DLGAP2: variants seen among roughly 807,000 people sequenced by gnomAD.
DLGAP2 encodes the protein disks large-associated protein 2.
In DLGAP2, 26 loss-of-function variants were observed where a neutral mutation model predicts 100.3. The ratio of observed to expected loss-of-function variants is 0.26; its 90% CI spans 0.19 to 0.36. The LOEUF is 0.36. DLGAP2 is among the 10% of genes least tolerant of loss of function. The pLI is 1.00. For missense variants in DLGAP2, 1,858 were observed against 1,453.2 expected (o/e 1.28, Z -4.53); for synonymous variants, 886 against 630.1 (o/e 1.41, Z -6.08).
rs117327066 is a variant in DLGAP2, at chr8:1,559,097, G to A, written c.1231-6586G>A. Among the ~76,000 whole-genome samples, 16 of 152,288 alleles carry A rather than the reference G, an allele frequency of 1.1e-4. No homozygotes were observed. In the East Asian group the frequency reaches 1.3e-3, roughly 13 times the overall value. On this transcript the variant is annotated intron_variant, in intron 5 of 14. Transcript: ENST00000637795. ...ATCCCTAAAGCAAGTAACAGGAGAC[G>A]TCAAAATGTATGCTTATGTCACCCT...
At chr8:1,150,949 A>G (rs1236664352) in intron 2 of DLGAP2, among the ~76,000 whole-genome samples, 1 of 152,234 alleles carries the variant, frequency 6.6e-6, no homozygotes, top group East Asian at 1.9e-4. Context: ...TTATTTGGAT[A>G]TAATTATTTC....
intron 3 of DLGAP2, among the ~76,000 whole-genome samples, chr8:1,290,399 G>T (rs374265778): frequency 2.0e-5 from 3 of 152,198 alleles, no homozygotes; most frequent in Non-Finnish European, 4.4e-5. Flanking sequence ...ACATCGGGCT[G>T]TCTGACCAGC....
intron 2 of DLGAP2, among the ~76,000 whole-genome samples, chr8:1,156,204 C>T (rs887044611): frequency 2.0e-5 from 3 of 152,160 alleles, no homozygotes; most frequent in East Asian, 1.9e-4. Flanking sequence ...CTCCCTCTGC[C>T]GCCGGGAGCG....
intron 1 of DLGAP2, among the ~76,000 whole-genome samples, chr8:750,715 C>T (rs1346814107): frequency 6.6e-6 from 1 of 152,244 alleles, no homozygotes; most frequent in Non-Finnish European, 1.5e-5. Context: ...GGTCCATCTA[C>T]CATGCAGCCC....
At chr8:1,093,090 C>T (rs541787452) in intron 2 of DLGAP2, among the ~76,000 whole-genome samples, 1 of 152,206 alleles carries the variant, frequency 6.6e-6, no homozygotes, top group South Asian at 2.1e-4. Context: ...GAGCTCCTTC[C>T]TCCTTGGGGA....
intron 3 of DLGAP2, among the ~76,000 whole-genome samples, chr8:1,318,786 C>CCG (rs1800827247): frequency 7.6e-6 from 1 of 131,874 alleles, no homozygotes; most frequent in African/African-American, 2.9e-5. Context: ...CAGCCCCCCC[C>CCG]CCGCCCCCTC....
chr8:1,672,225 T>C (rs892289703), intron 10 of DLGAP2, among the ~76,000 whole-genome samples: 3 of 131,182 alleles, frequency 2.3e-5, no homozygotes, highest in African/African-American at 1.0e-4. Flanking sequence ...TTTTTTATTT[T>C]TAATTTTTTT....
intron 2 of DLGAP2, among the ~76,000 whole-genome samples, chr8:1,093,722 C>T (rs1804270363): frequency 1.3e-5 from 2 of 152,282 alleles, no homozygotes; most frequent in African/African-American, 2.4e-5. Flanking sequence ...GAAACACCTT[C>T]ACACTGACAG....
chr8:1,467,494 A>T (rs1398018118), intron 3 of DLGAP2, among the ~76,000 whole-genome samples: 5 of 151,504 alleles, frequency 3.3e-5, no homozygotes, highest in African/African-American at 9.7e-5. Context: ...GGACTCCGTG[A>T]CCTCGGCTCC....
chr8:1,637,571 G>T (rs1402278002), intron 8 of DLGAP2, among the ~76,000 whole-genome samples: 1 of 152,034 alleles, frequency 6.6e-6, no homozygotes, highest in Admixed American at 6.6e-5. Context: ...AGTCACACAT[G>T]ATCACTTTCC....
At chr8:844,788 G>A (rs1797043921) in intron 1 of DLGAP2, among the ~76,000 whole-genome samples, 1 of 152,142 alleles carries the variant, frequency 6.6e-6, no homozygotes, top group South Asian at 2.1e-4. Context: ...AATGGCTTTA[G>A]CATCTCCCAA....
intron 2 of DLGAP2, among the ~76,000 whole-genome samples, chr8:1,163,613 C>G (rs1796934434): frequency 6.6e-6 from 1 of 152,214 alleles, no homozygotes; most frequent in Admixed American, 6.5e-5. Flanking sequence ...TAACTGACCC[C>G]GGAAGCGCAG....
At chr8:1,617,987 G>A (rs934000268) in intron 6 of DLGAP2, among the ~76,000 whole-genome samples, 1 of 152,104 alleles carries the variant, frequency 6.6e-6, no homozygotes, top group Admixed American at 6.5e-5. Flanking sequence ...CTAACCCTGG[G>A]GAAAAAATGT....
intron 8 of DLGAP2, among the ~76,000 whole-genome samples, chr8:1,656,473 C>T (rs575259857): frequency 6.6e-6 from 1 of 152,316 alleles, no homozygotes; most frequent in African/African-American, 2.4e-5. Context: ...AACACTGCAG[C>T]CACCACTGCG....
intron 10 of DLGAP2, among the ~76,000 whole-genome samples, chr8:1,673,019 G>C (rs1274253338): frequency 4.6e-5 from 7 of 152,254 alleles, no homozygotes; most frequent in Non-Finnish European, 7.3e-5. Flanking sequence ...GAGGCTGGTT[G>C]GCTTTGACGC....
chr8:1,260,757 G>T (rs1213098462), intron 3 of DLGAP2, among the ~76,000 whole-genome samples: 2 of 152,226 alleles, frequency 1.3e-5, no homozygotes, highest in African/African-American at 4.8e-5. Flanking sequence ...GGACATTCTA[G>T]GTCATGGGAT....
intron 2 of DLGAP2, among the ~76,000 whole-genome samples, chr8:954,785 T>A (rs1398203219): frequency 6.6e-6 from 1 of 152,182 alleles, no homozygotes; most frequent in Non-Finnish European, 1.5e-5. Flanking sequence ...GCCAGGGAGT[T>A]GTGTCCAGGA....
At chr8:1,072,131 C>A (rs1187087049) in intron 2 of DLGAP2, among the ~76,000 whole-genome samples, 1 of 152,174 alleles carries the variant, frequency 6.6e-6, no homozygotes, top group Admixed American at 6.5e-5. Flanking sequence ...CGTCAAGGCA[C>A]ACAGTGGAGG....
intron 5 of DLGAP2, among the ~76,000 whole-genome samples, chr8:1,564,903 G>T (rs1802335434): frequency 1.3e-5 from 2 of 151,918 alleles, no homozygotes; most frequent in African/African-American, 4.8e-5. Context: ...TCTGCACCAG[G>T]CAGACATATA....
Sources: gnomAD v4.1 joint callset for allele counts (sites outside exome capture counted in the v4.1 genomes callset) on GRCh38, gnomAD v4.1.1 for gene constraint, MANE v1.5 for transcripts, NCBI Gene and HGNC (gene_info 2026-07-23, HGNC 2026-07-21) for gene names.